Variants in PEX5L observed in about 807,000 individuals in gnomAD.
PEX5L encodes PEX5-related protein.
A neutral mutation model predicts 84.0 loss-of-function variants in PEX5L; 30 were observed. The observed-to-expected ratio is 0.36, with a 90% confidence interval of 0.27 to 0.48. The LOEUF is 0.48. PEX5L is among the 20% of genes least tolerant of loss of function. The pLI is 0.99. For synonymous variants in PEX5L, 270 were observed against 283.1 expected, an observed-to-expected ratio of 0.95 and a Z score of 0.46; for missense variants, 533 against 754.6, an observed-to-expected ratio of 0.71 and a Z score of 3.44.
chr3:179,886,097 G>A (rs1445991734), intron 4 of PEX5L, among the ~76,000 whole-genome samples: 1 of 152,192 alleles, frequency 6.6e-6, no homozygotes, highest in Non-Finnish European at 1.5e-5. Flanking sequence ...CTCTCTCAGG[G>A]TGGATCCTTT....
At position 179,796,657 on chromosome 3, in the gene PEX5L, A is replaced by G. The variant is rs1416340689; in HGVS notation, c.*5171T>C. 6.6e-6 allele frequency: 1 copy of G among 152,166 alleles called. No homozygotes were observed. Among genetic ancestry groups the G allele is most frequent in the Non-Finnish European group, 1.5e-5 (1 of 68,032 alleles). 9.4% of individuals were successfully genotyped at this position (152,166 alleles called of 1,614,324 possible). A position where few individuals can be genotyped will look rare whatever the true frequency, so the allele number is the denominator to read the frequency against. On this transcript the variant is annotated 3_prime_UTR_variant, in exon 15 of 15. Coordinates refer to ENST00000467460, the MANE Select transcript of PEX5L (RefSeq NM_016559.3). ...GGAGTGAGTAACAAAGCTGTTACTAATGTAAGACCACATGGTCTCACTGAG... is the reference window on the plus strand; with the variant it reads ...GGAGTGAGTAACAAAGCTGTTACTAGTGTAAGACCACATGGTCTCACTGAG...
intron 2 of PEX5L, among the ~76,000 whole-genome samples, chr3:179,924,506 C>T (rs1770811879): frequency 6.6e-6 from 1 of 152,180 alleles, no homozygotes; most frequent in South Asian, 2.1e-4. Flanking sequence ...ACGGCAAACA[C>T]TCACGGTAAG....
chr3:179,982,483 G>T (rs1283248016), intron 1 of PEX5L, among the ~76,000 whole-genome samples: 1 of 152,014 alleles, frequency 6.6e-6, no homozygotes, highest in Non-Finnish European at 1.5e-5. Flanking sequence ...AATCTTAGGT[G>T]CTTCAATTAG....
At chr3:179,978,564 T>G (rs1295675907) in intron 1 of PEX5L, among the ~76,000 whole-genome samples, 1 of 152,198 alleles carries the variant, frequency 6.6e-6, no homozygotes, top group Non-Finnish European at 1.5e-5. Context: ...CCACTTGACA[T>G]ATTTTTAAAG....
Position 180,036,922 on chromosome 3 carries a change from C to T in PEX5L, c.-323G>A. ...TAGAACTCACTCCTTCTTCGCCGAA[C>T]TCTTTCTCGCTTCCTGCCAGGTTGC... is the stretch of plus-strand genomic sequence containing the variant. On this transcript the variant is annotated 5_prime_UTR_variant, in exon 1 of 15. Transcript: ENST00000467460. The T allele has an allele frequency of 2.6e-6, 1 of 383,654 alleles. No homozygotes were observed. Among genetic ancestry groups the T allele is most frequent in the South Asian group, 3.6e-5 (1 of 27,530 alleles). The allele number at this position is 383,654 out of a possible 1,614,324, so 23.8% of individuals were successfully genotyped here.
intron 8 of PEX5L, among the ~76,000 whole-genome samples, chr3:179,838,351 C>A (rs1735778547): frequency 6.6e-6 from 1 of 152,138 alleles, no homozygotes; most frequent in Admixed American, 6.5e-5. Context: ...TACTGGGCTG[C>A]CTCTACATAC....
At chr3:179,998,380 G>A (rs997086712) in intron 1 of PEX5L, among the ~76,000 whole-genome samples, 18 of 152,292 alleles carry the variant, frequency 1.2e-4, no homozygotes, top group Non-Finnish European at 2.1e-4. Context: ...CCAGGCTGCC[G>A]TGCAAGTTGC....
chr3:179,858,975 T>C (rs1402459248), intron 8 of PEX5L, 87 bp downstream of exon 8: 2 of 807,160 alleles, frequency 2.5e-6, no homozygotes, highest in Non-Finnish European at 4.4e-6. Context: ...GTAAGACCCA[T>C]TTCATTTCTA....
At position 179,800,016 on chromosome 3, in the gene PEX5L, G is replaced by C. The variant is rs1318179994; in HGVS notation, c.*1812C>G. On this transcript the variant is annotated 3_prime_UTR_variant, in exon 15 of 15. Coordinates refer to ENST00000467460, the MANE Select transcript of PEX5L (RefSeq NM_016559.3). The stretch of plus-strand genomic sequence containing the variant: ...CTATCAAAACCTGGCACTCCTCACA[G>C]TGGCCTCAGCTTTTTGTCTTTATAA... The C allele has an allele frequency of 6.6e-6, 1 of 152,168 alleles. No homozygotes were observed. Among genetic ancestry groups the C allele is most frequent in the African/African-American group, 2.4e-5 (1 of 41,420 alleles). 9.4% of individuals were successfully genotyped at this position (152,168 alleles called of 1,614,324 possible).
At chr3:179,986,471 C>A (rs1028333562) in intron 1 of PEX5L, among the ~76,000 whole-genome samples, 3 of 145,698 alleles carry the variant, frequency 2.1e-5, no homozygotes, top group African/African-American at 7.7e-5. Context: ...GGCGCGATCT[C>A]GGCTCACCGC....
At chr3:179,903,977 G>T (rs1762292361) in intron 2 of PEX5L, among the ~76,000 whole-genome samples, 1 of 152,224 alleles carries the variant, frequency 6.6e-6, no homozygotes, top group African/African-American at 2.4e-5. Context: ...GACAGAATTT[G>T]CTTGTCTTAA....
intron 14 of PEX5L, chr3:179,804,304 TATAA>T (rs951092607): frequency 3.3e-5 from 5 of 152,152 alleles, no homozygotes; most frequent in East Asian, 1.9e-4. Flanking sequence ...CACATGTATG[TATAA>T]ATAATTTTAA....
At chr3:179,805,379 C>A (rs980679394) in intron 14 of PEX5L, among the ~76,000 whole-genome samples, 1 of 152,014 alleles carries the variant, frequency 6.6e-6, no homozygotes, top group African/African-American at 2.4e-5. Flanking sequence ...TCATGAACCC[C>A]TGAGAATACC....
chr3:179,801,912 A>G lies in PEX5L; in HGVS notation c.1797T>C (p.Ser599=), dbSNP rs752327975. ...NIWAALRIAL[S]LMDQPELFQA... ...GGAAGAGTTCTGGTTGGTCCATCAG[A>G]GAGAGCGCAATTCTGAGGGCAGCCC... The change falls in exon 15 of 15, where the codon TCT becomes TCC. Residue 599 remains serine (S), a synonymous_variant. Transcript: ENST00000467460. The G allele has an allele frequency of 2.5e-6, 4 of 1,614,108 alleles. No individual in the cohort carries two copies. In the Admixed American group the frequency reaches 5.0e-5, roughly 20 times the overall value.
chr3:179,905,904 G>T lies in PEX5L; in HGVS notation c.94-7658C>A, dbSNP rs1297645482. 2.0e-5 allele frequency among the ~76,000 whole-genome samples: 3 copies of T among 152,236 alleles called. No homozygotes were observed. The East Asian group carries it at 5.8e-4, about 29-fold the overall frequency. ...TCTATGGGCACATAAACGCTCAAGTGCACTCAATAAATATATGTACTGGAT... is the reference window on the plus strand; with the variant it reads ...TCTATGGGCACATAAACGCTCAAGTTCACTCAATAAATATATGTACTGGAT... On this transcript the variant is annotated intron_variant, in intron 2 of 14. Transcript: ENST00000467460.
chr3:179,954,766 C>A (rs900313952), intron 2 of PEX5L, among the ~76,000 whole-genome samples: 1 of 151,318 alleles, frequency 6.6e-6, no homozygotes, highest in Non-Finnish European at 1.5e-5. Flanking sequence ...GGTTTCTCAG[C>A]CCTTCTAAGC....
chr3:179,906,335 G>C (rs932746949), intron 2 of PEX5L, among the ~76,000 whole-genome samples: 1 of 152,158 alleles, frequency 6.6e-6, no homozygotes, highest in Non-Finnish European at 1.5e-5. Context: ...AATCAGTAAA[G>C]TTTTAATATC....
intron 3 of PEX5L, chr3:179,888,018 C>G: frequency 2.4e-6 from 2 of 826,636 alleles, no homozygotes; most frequent in Non-Finnish European, 3.8e-6. Flanking sequence ...AAAGCTCAAG[C>G]CTTTCCTCCC....
chr3:180,003,696 G>C (rs879143503), intron 1 of PEX5L, among the ~76,000 whole-genome samples: 3 of 152,122 alleles, frequency 2.0e-5, no homozygotes, highest in Admixed American at 2.0e-4. Flanking sequence ...TTATAAGAAA[G>C]TGTCATGAGT....
Sources: gnomAD v4.1 joint callset for allele counts (sites outside exome capture counted in the v4.1 genomes callset) on GRCh38, gnomAD v4.1.1 for gene constraint, MANE v1.5 for transcripts, NCBI Gene and HGNC (gene_info 2026-07-23, HGNC 2026-07-21) for gene names.